Variants in CCDC192 observed in about 807,000 individuals in gnomAD.
CCDC192 encodes coiled-coil domain-containing protein 192.
At chr5:127,746,618 T>A (rs1313458828) in intron 2 of CCDC192, among the ~76,000 whole-genome samples, 1 of 152,132 alleles carries the variant, frequency 6.6e-6, no homozygotes, top group Non-Finnish European at 1.5e-5. Flanking sequence ...AAGCCTTTTT[T>A]TTTTTTTTGA....
At chr5:127,747,524 G>A (rs1348809934) in intron 2 of CCDC192, among the ~76,000 whole-genome samples, 18 of 152,058 alleles carry the variant, frequency 1.2e-4, no homozygotes, top group Non-Finnish European at 2.6e-4. Flanking sequence ...CATTTGGGTT[G>A]GTTCCAAGTC....
chr5:127,933,495 A>G (rs979570671), intron 6 of CCDC192, among the ~76,000 whole-genome samples: 5 of 152,212 alleles, frequency 3.3e-5, no homozygotes, highest in Admixed American at 6.5e-5. Flanking sequence ...TGGTCTGCTT[A>G]ACTCCCACAC....
chr5:127,718,237 AT>A (rs1751753644), intron 2 of CCDC192, among the ~76,000 whole-genome samples: 1 of 152,182 alleles, frequency 6.6e-6, no homozygotes, highest in African/African-American at 2.4e-5. Flanking sequence ...TGTTCTTTTA[AT>A]TTTTTTAAAT....
rs1422878708 is a variant in CCDC192 at position 127,919,679 on chromosome 5, A to G, written c.536-21503A>G. Among the ~76,000 whole-genome samples, 5 of 152,218 alleles carry G rather than the reference A, an allele frequency of 3.3e-5. No homozygotes were observed. The South Asian group carries it at 1.0e-3, about 32-fold the overall frequency. On this transcript the variant is annotated intron_variant, in intron 6 of 6. Coordinates refer to ENST00000514853, the MANE Select transcript of CCDC192 (RefSeq NM_001317938.2). Reference sequence around the variant, plus strand: ...AAACTGGATTTTGCTACTCCATAGGAAAGTGCTGAGACATCAGAGTGTCAC... The same window carrying G: ...AAACTGGATTTTGCTACTCCATAGGGAAGTGCTGAGACATCAGAGTGTCAC...
intron 6 of CCDC192, among the ~76,000 whole-genome samples, chr5:127,903,241 A>G (rs1339307072): frequency 1.4e-5 from 2 of 143,386 alleles, no homozygotes; most frequent in African/African-American, 2.6e-5. Flanking sequence ...TTTTGGAGGA[A>G]TTTTTTTTTT....
In CCDC192 at chr5:127,729,916, G is replaced by T. The variant is rs895892699; in HGVS notation, c.114+22156G>T. Among the ~76,000 whole-genome samples the T allele has an allele frequency of 2.6e-5, 4 of 151,844 alleles. No homozygotes were observed. In the South Asian group the frequency reaches 8.3e-4, roughly 32 times the overall value. On this transcript the variant is annotated intron_variant, in intron 2 of 6. Coordinates refer to ENST00000514853, the MANE Select transcript of CCDC192 (RefSeq NM_001317938.2). ...AGCACTAAATGCCCACATCAAAAAA[G>T]ATTAGAAAGATCTCAAATCGACATC...
chr5:127,878,667 T>C (rs1752215217), intron 6 of CCDC192, among the ~76,000 whole-genome samples: 1 of 152,158 alleles, frequency 6.6e-6, no homozygotes, highest in Non-Finnish European at 1.5e-5. Context: ...AAAAATAAAA[T>C]GAAATTGCCT....
At chr5:127,759,904 T>G (rs2126885802) in intron 3 of CCDC192, among the ~76,000 whole-genome samples, 1 of 152,294 alleles carries the variant, frequency 6.6e-6, no homozygotes, top group African/African-American at 2.4e-5. Flanking sequence ...TCCTTTCTGC[T>G]TCATCTCTTG....
At chr5:127,935,351 G>C (rs940650086) in intron 6 of CCDC192, 3 of 152,162 alleles carry the variant, frequency 2.0e-5, no homozygotes, top group African/African-American at 7.2e-5. Context: ...GAGGTAGTTG[G>C]GTCAGAAATT....
chr5:127,771,732 C>T (rs556273566), intron 3 of CCDC192, among the ~76,000 whole-genome samples: 57 of 152,236 alleles, frequency 3.7e-4, no homozygotes, highest in South Asian at 1.2e-3. Flanking sequence ...TAACAGAATC[C>T]CAATTAAAGT....
chr5:127,761,141 T>C (rs115194360), intron 3 of CCDC192, among the ~76,000 whole-genome samples: 216 of 152,356 alleles, frequency 1.4e-3, no homozygotes, highest in African/African-American at 5.0e-3. Flanking sequence ...TTGCACGCTG[T>C]TCAAAGTCAA....
chr5:127,731,324 C>T (rs1752627177), intron 2 of CCDC192, among the ~76,000 whole-genome samples: 1 of 152,138 alleles, frequency 6.6e-6, no homozygotes, highest in Non-Finnish European at 1.5e-5. Context: ...TGAAGGATCT[C>T]TTCAAGAAGA....
intron 2 of CCDC192, among the ~76,000 whole-genome samples, chr5:127,719,534 C>CATACATACATATATATAT (rs1561444958): frequency 2.4e-5 from 1 of 42,268 alleles, no homozygotes; most frequent in Non-Finnish European, 4.7e-5. Flanking sequence ...TACACACATA[C>CATACATACATATATATAT]ATATATATAT....
intron 3 of CCDC192, among the ~76,000 whole-genome samples, chr5:127,776,779 G>A (rs533449945): frequency 1.3e-5 from 2 of 152,366 alleles, no homozygotes; most frequent in South Asian, 4.1e-4. Context: ...CCAAGGTACA[G>A]TTCAGGCTGT....
chr5:127,793,198 A>G (rs1298579766), intron 3 of CCDC192, among the ~76,000 whole-genome samples: 1 of 152,208 alleles, frequency 6.6e-6, no homozygotes, highest in Non-Finnish European at 1.5e-5. Flanking sequence ...AGAGTCAGTG[A>G]GTTGTGGAAT....
chr5:127,733,235 T>G (rs1752745328), intron 2 of CCDC192, among the ~76,000 whole-genome samples: 1 of 152,040 alleles, frequency 6.6e-6, no homozygotes, highest in African/African-American at 2.4e-5. Flanking sequence ...TACAATCAAC[T>G]CCCAGACTCT....
Position 127,774,127 on chromosome 5 carries a change from C to T in CCDC192, c.222+19752C>T, listed in dbSNP as rs75765700. Among the ~76,000 whole-genome samples the T allele has an allele frequency of 6.3e-4, 95 of 151,808 alleles. No homozygotes were observed. The East Asian group carries it at 0.016, about 26-fold the overall frequency. On this transcript the variant is annotated intron_variant, in intron 3 of 6. Coordinates refer to ENST00000514853, the MANE Select transcript of CCDC192 (RefSeq NM_001317938.2). ...ATTGGGTGGTTTGTCTTTTTGTTGC[C>T]GAATTGTAAGTTCTTTATATATTCT...
At position 127,937,290 on chromosome 5, in the gene CCDC192, CTCT is replaced by C. The variant is rs540188084; in HGVS notation, c.536-3887_536-3885del. 4.4e-3 allele frequency among the ~76,000 whole-genome samples: 664 copies of C among 152,072 alleles called. 4 individuals carry two copies. The highest frequency in any genetic ancestry group is 0.015 in the African/African-American group (630 of 41,496). On this transcript the variant is annotated intron_variant, in intron 6 of 6. Coordinates refer to ENST00000514853, the MANE Select transcript of CCDC192 (RefSeq NM_001317938.2). ...CTACTCTACCCCTTTTCTGACTGTC[CTCT>C]TCTTGTGCTATGGACTGAATTATGT... is the stretch of plus-strand genomic sequence containing the variant.
intron 6 of CCDC192, among the ~76,000 whole-genome samples, chr5:127,914,589 A>G (rs1753465082): frequency 6.6e-6 from 1 of 152,156 alleles, no homozygotes; most frequent in Non-Finnish European, 1.5e-5. Flanking sequence ...AACCTGTACA[A>G]ATGGTAACTT....
Sources: gnomAD v4.1 joint callset for allele counts (sites outside exome capture counted in the v4.1 genomes callset) on GRCh38, gnomAD v4.1.1 for gene constraint, MANE v1.5 for transcripts, NCBI Gene and HGNC (gene_info 2026-07-23, HGNC 2026-07-21) for gene names.